Variants in NTRK2 observed in about 807,000 individuals in gnomAD.
NTRK2 encodes the protein neurotrophic receptor tyrosine kinase 2, also known as BDNF/NT-3 growth factors receptor.
In NTRK2, 13 loss-of-function variants were observed where a neutral mutation model predicts 94.5. The ratio of observed to expected loss-of-function variants is 0.14; its 90% CI spans 0.09 to 0.22. The LOEUF is 0.22. Ranked by LOEUF, NTRK2 falls within the 10% of genes least tolerant of loss-of-function variation. NTRK2 has a pLI of 1.00. For missense variants in NTRK2, 639 were observed against 1,071.2 expected (o/e 0.60, Z 5.63); for synonymous variants, 372 against 407.4 (o/e 0.91, Z 1.05).
At chr9:84,950,862 T>A (rs1490627410) in intron 16 of NTRK2, among the ~76,000 whole-genome samples, 1 of 152,188 alleles carries the variant, frequency 6.6e-6, no homozygotes, top group Non-Finnish European at 1.5e-5. Flanking sequence ...TTCATTTTGG[T>A]TGAGAGATCT....
chr9:84,810,404 T>G, intron 12 of NTRK2: 1 of 831,094 alleles, frequency 1.2e-6, no homozygotes, highest in Middle Eastern at 3.5e-4. Context: ...TGCTCTATGG[T>G]TTAAAGTGTA....
chr9:84,727,534 G>A, intron 8 of NTRK2, 120 bp from the exon 9 acceptor site: 1 of 929,562 alleles, frequency 1.1e-6, no homozygotes, highest in Non-Finnish European at 1.7e-6. Context: ...AGTTTCTGAT[G>A]ATGTGTTTTT....
At chr9:84,872,152 T>G in intron 14 of NTRK2, 1 of 1,234,174 alleles carries the variant, frequency 8.1e-7, no homozygotes, top group Non-Finnish European at 1.0e-6. Context: ...TAGACGTGTC[T>G]GAACACCACA....
intron 8 of NTRK2, 56 bp downstream of exon 8, chr9:84,724,412 C>T (rs975944830): frequency 6.4e-5 from 103 of 1,609,096 alleles, no homozygotes; most frequent in Admixed American, 4.7e-4. Context: ...GACGTACCTA[C>T]GTTTGTTGCT....
intron 14 of NTRK2, among the ~76,000 whole-genome samples, chr9:84,914,753 T>A (rs2077344474): frequency 6.6e-6 from 1 of 152,192 alleles, no homozygotes; most frequent in African/African-American, 2.4e-5. Context: ...CCACTGGCAT[T>A]TTCAGGTTTC....
chr9:84,923,258 C>T (rs76984176), intron 14 of NTRK2, among the ~76,000 whole-genome samples: 1 of 152,136 alleles, frequency 6.6e-6, no homozygotes, highest in Non-Finnish European at 1.5e-5. Context: ...AAAACTCCAG[C>T]CTGTTTTTGT....
chr9:84,680,400 T>A (rs1423183457), intron 2 of NTRK2, among the ~76,000 whole-genome samples: 2 of 152,210 alleles, frequency 1.3e-5, no homozygotes, highest in Non-Finnish European at 2.9e-5. Context: ...CTCTGTCAAA[T>A]AATTTTTGAT....
At chr9:84,874,311 T>G in intron 14 of NTRK2, 1 of 1,064,868 alleles carries the variant, frequency 9.4e-7, no homozygotes, top group East Asian at 5.0e-5. Context: ...ACCACCGGAG[T>G]TTTTCTTGGA....
chr9:84,673,512 GT>G (rs1343714270), intron 2 of NTRK2, among the ~76,000 whole-genome samples: 5 of 152,068 alleles, frequency 3.3e-5, no homozygotes, highest in Non-Finnish European at 7.4e-5. Context: ...AAATAATGTG[GT>G]GAATAAACTG....
intron 12 of NTRK2, among the ~76,000 whole-genome samples, chr9:84,783,819 G>A (rs573687033): frequency 3.3e-5 from 5 of 152,092 alleles, no homozygotes; most frequent in Admixed American, 1.3e-4. Context: ...GCTGGGTTGT[G>A]GGGGCAGGGC....
At chr9:84,811,625 G>T (rs201038466) in intron 12 of NTRK2, 2 of 1,065,184 alleles carry the variant, frequency 1.9e-6, no homozygotes, top group Non-Finnish European at 2.3e-6. Flanking sequence ...AAGAAGGATA[G>T]TCCCCCCTAC....
At chr9:84,677,124 G>A (rs2059109205) in intron 2 of NTRK2, among the ~76,000 whole-genome samples, 1 of 152,166 alleles carries the variant, frequency 6.6e-6, no homozygotes, top group Non-Finnish European at 1.5e-5. Flanking sequence ...CATTAGAAGA[G>A]GGGCAGAGCA....
At position 84,997,301 on chromosome 9, in the gene NTRK2, G is replaced by A. The variant is rs578185608; in HGVS notation, c.2173-22905G>A. On this transcript the variant is annotated intron_variant, in intron 17 of 18. Coordinates refer to ENST00000277120, the MANE Select transcript of NTRK2 (RefSeq NM_006180.6). ...CTGAAAACCATCTCCATTCCAGGAT[G>A]GGGGTCAAGAAGAAGTTAAGTGCCC... is the stretch of plus-strand genomic sequence containing the variant. Among the ~76,000 whole-genome samples, 4 of 152,264 alleles carry A rather than the reference G, an allele frequency of 2.6e-5. No individual in the cohort carries two copies. In the East Asian group the frequency reaches 5.8e-4, roughly 22 times the overall value.
intron 12 of NTRK2, among the ~76,000 whole-genome samples, chr9:84,846,654 T>C (rs2074487649): frequency 6.6e-6 from 1 of 152,250 alleles, no homozygotes; most frequent in African/African-American, 2.4e-5. Flanking sequence ...CTGACTCATG[T>C]ACCTGGGCTG....
intron 6 of NTRK2, among the ~76,000 whole-genome samples, chr9:84,711,991 A>G (rs1250593334): frequency 6.6e-6 from 1 of 152,166 alleles, no homozygotes; most frequent in Non-Finnish European, 1.5e-5. Context: ...ATAAGAGGGT[A>G]ACTGTTCTCT....
intron 14 of NTRK2, among the ~76,000 whole-genome samples, chr9:84,929,422 C>T (rs2077942704): frequency 6.6e-6 from 1 of 152,172 alleles, no homozygotes; most frequent in Non-Finnish European, 1.5e-5. Flanking sequence ...TTTCCTATAG[C>T]TCTTATTTGA....
intron 14 of NTRK2, among the ~76,000 whole-genome samples, chr9:84,881,733 A>G (rs192733698): frequency 2.3e-3 from 357 of 152,300 alleles, no homozygotes; most frequent in African/African-American, 8.2e-3. Flanking sequence ...TTTGAATTGC[A>G]TATTAGCTAT....
At chr9:84,879,841 G>C (rs1387527522) in intron 14 of NTRK2, among the ~76,000 whole-genome samples, 3 of 152,168 alleles carry the variant, frequency 2.0e-5, no homozygotes, top group Admixed American at 6.5e-5. Flanking sequence ...GATCTGAAGG[G>C]TGAGGAGTGT....
At chr9:84,995,478 T>C (rs2133356894) in intron 17 of NTRK2, among the ~76,000 whole-genome samples, 1 of 152,244 alleles carries the variant, frequency 6.6e-6, no homozygotes, top group South Asian at 2.1e-4. Flanking sequence ...GAATAACACA[T>C]ATGACTTCTG....
Sources: allele counts gnomAD v4.1 joint callset (sites outside exome capture counted in the v4.1 genomes callset), GRCh38; gene constraint gnomAD v4.1.1; transcripts MANE v1.5; gene names NCBI Gene and HGNC (gene_info 2026-07-23, HGNC 2026-07-21).